Variants in LIPE observed in about 807,000 individuals in gnomAD.
The protein encoded by LIPE is lipase E, hormone sensitive type, also known as hormone-sensitive lipase.
Under a neutral mutation model 88.5 loss-of-function variants are expected in LIPE, and 66 were observed. That is an observed-to-expected ratio of 0.75 (90% CI 0.61 to 0.91). The LOEUF (loss-of-function observed/expected upper bound fraction) is 0.91, where lower values mean the gene tolerates loss of function less well. Ranked by LOEUF, LIPE falls within the 40% of genes least tolerant of loss-of-function variation. The probability of loss-of-function intolerance (pLI) is 0.00; values close to 1 mark genes in which losing one functional copy is unlikely to be tolerated. For synonymous variants in LIPE, 570 were observed against 617.5 expected (o/e 0.92, Z 1.14); for missense variants, 1,346 against 1,434.7 (o/e 0.94, Z 1.00).
Position 42,402,692 on chromosome 19 carries a change from GAGT to G in LIPE, c.2879_2881del (p.Tyr960del), listed in dbSNP as rs2040022653. On this transcript the variant is annotated inframe_deletion, in exon 9 of 10. Coordinates refer to ENST00000244289, the MANE Select transcript of LIPE (RefSeq NM_005357.4). ...GAAGGGGTTCTTGACTATGGGTGAG[GAGT>G]AGAGGGGCATCTGTGTGGCACCCTG... 1 of 1,525,908 alleles carries G rather than the reference GAGT, an allele frequency of 6.6e-7. No individual in the cohort carries two copies. Among genetic ancestry groups the G allele is most frequent in the Non-Finnish European group, 8.8e-7 (1 of 1,133,808 alleles). The allele number at this position is 1,525,908 out of a possible 1,614,324, so 94.5% of individuals were successfully genotyped here. A position where few individuals can be genotyped will look rare whatever the true frequency, so the allele number is the denominator to read the frequency against.
chr19:42,405,883 C>A, intron 7 of LIPE: 1 of 542,384 alleles, frequency 1.8e-6, no homozygotes, highest in Non-Finnish European at 3.3e-6. Context: ...TTGCTTCAGC[C>A]TGGGAGGTCA....
At position 42,406,486 on chromosome 19, in the gene LIPE, A is replaced by C; in HGVS notation, c.2138-98T>G. Reference sequence around the variant, plus strand: ...TCAAGCTGGGAGAACTGGGCTCTCCAAGGTGGGGTGTGGGGCACTCCAAGG... The same window carrying C: ...TCAAGCTGGGAGAACTGGGCTCTCCCAGGTGGGGTGTGGGGCACTCCAAGG... On this transcript the variant is annotated intron_variant, in intron 6 of 9. Coordinates refer to ENST00000244289, the MANE Select transcript of LIPE (RefSeq NM_005357.4). This position sits in a 1 kb window ranked among gnomAD's most constrained non-coding sequence, Gnocchi z 5.7. The C allele has an allele frequency of 4.8e-6, 5 of 1,040,540 alleles. No homozygotes were observed. Among genetic ancestry groups the C allele is most frequent in the Non-Finnish European group, 5.8e-6 (4 of 689,802 alleles). 64.5% of individuals were successfully genotyped at this position (1,040,540 alleles called of 1,614,324 possible). A position where few individuals can be genotyped will look rare whatever the true frequency, so the allele number is the denominator to read the frequency against.
chr19:42,422,938 C>G (rs943240307), intron 1 of LIPE: 4 of 157,226 alleles, frequency 2.5e-5, no homozygotes, highest in African/African-American at 9.7e-5. Context: ...ACTTTACTGG[C>G]CCCGCTGCAC....
chr19:42,411,443 C>A, intron 1 of LIPE: 1 of 472,656 alleles, frequency 2.1e-6, no homozygotes, highest in Non-Finnish European at 2.8e-6. Flanking sequence ...GGTCCCCCAT[C>A]CCATCTTTCC....
At position 42,424,925 on chromosome 19, in the gene LIPE, A is replaced by G. The variant is rs548459323; in HGVS notation, c.883+1342T>C. On this transcript the variant is annotated intron_variant, in intron 1 of 9. Transcript: ENST00000244289. ...GCGAGGGAGTGCCTGCGGTGAGCCCAGAGCCTTGGGCCCGTTATCCTCTGA... is the reference window on the plus strand; with the variant it reads ...GCGAGGGAGTGCCTGCGGTGAGCCCGGAGCCTTGGGCCCGTTATCCTCTGA... 9.4e-5 allele frequency: 31 copies of G among 331,246 alleles called. No homozygotes were observed. In the Admixed American group the frequency reaches 1.3e-3, roughly 14 times the overall value. 20.5% of individuals were successfully genotyped at this position (331,246 alleles called of 1,614,324 possible).
intron 8 of LIPE, 68 bp downstream of exon 8, chr19:42,405,317 C>T (rs2040134000): frequency 6.6e-7 from 1 of 1,516,250 alleles, no homozygotes; most frequent in African/African-American, 1.4e-5. Context: ...TTCCCTGGGA[C>T]TTTTGCTGTG....
chr19:42,405,423 C>T lies in LIPE; in HGVS notation c.2504G>A (p.Ser835Asn), dbSNP rs757821646. The T allele has an allele frequency of 2.5e-6, 4 of 1,613,942 alleles. No homozygotes were observed. The highest frequency in any genetic ancestry group is 8.5e-7 in the Non-Finnish European group (1 of 1,180,012). ...SSWLNSFLEL[S>N]GRKSQKMSEP... ...CGACATCTTCTGGGACTTGCGCCCA[C>T]TTAACTCCAGGAAGGAGTTGAGCCA... is the stretch of plus-strand genomic sequence containing the variant. The change falls in exon 8 of 10, where the codon AGT (serine) becomes AAT (asparagine). Residue 835 changes from serine to asparagine, a missense_variant. Transcript: ENST00000244289.
chr19:42,423,741 G>C (rs1381042163), intron 1 of LIPE: 1 of 1,126,398 alleles, frequency 8.9e-7, no homozygotes, highest in Non-Finnish European at 1.1e-6. Flanking sequence ...ATCTGGCTCC[G>C]CCCCCTACCG....
In LIPE at chr19:42,408,383, G is replaced by A. The variant is rs2147610797; in HGVS notation, c.1420-61C>T. The A allele has an allele frequency of 3.7e-6, 5 of 1,357,108 alleles. No individual in the cohort carries two copies. The South Asian group carries it at 5.8e-5, about 16-fold the overall frequency. 84.1% of individuals were successfully genotyped at this position (1,357,108 alleles called of 1,614,324 possible). A position where few individuals can be genotyped will look rare whatever the true frequency, so the allele number is the denominator to read the frequency against. The stretch of plus-strand genomic sequence containing the variant: ...AGAGAGGGATGGGGACAGGGCAGGA[G>A]CGAGGCACAGGGATGTGCGGGGAAG... On this transcript the variant is annotated intron_variant, in intron 2 of 9. Coordinates refer to ENST00000244289, the MANE Select transcript of LIPE (RefSeq NM_005357.4). The surrounding 1 kb of genome is among the most constrained non-coding windows in gnomAD (Gnocchi z 4.3).
At chr19:42,411,836 C>T (rs759669593) in intron 1 of LIPE, among the ~76,000 whole-genome samples, 5 of 152,200 alleles carry the variant, frequency 3.3e-5, no homozygotes, top group Admixed American at 1.3e-4. Flanking sequence ...GTGCAGGTCC[C>T]GTGCTGAGAG....
chr19:42,415,561 A>G (rs1381153805), intron 1 of LIPE, among the ~76,000 whole-genome samples: 1 of 152,252 alleles, frequency 6.6e-6, no homozygotes, highest in Non-Finnish European at 1.5e-5. Flanking sequence ...CTGTAATCCC[A>G]GCACTTTGGG....
rs1404321705 is a variant in LIPE, at chr19:42,426,659, C to T, written c.491G>A (p.Gly164Glu). The T allele has an allele frequency of 6.2e-7, 1 of 1,614,210 alleles. No homozygotes were observed. Among genetic ancestry groups the T allele is most frequent in the Non-Finnish European group, 8.5e-7 (1 of 1,180,040 alleles). Residue 164 changes from glycine to glutamate, a missense_variant, in exon 1 of 10, where the codon GGA becomes GAA. Coordinates refer to ENST00000244289, the MANE Select transcript of LIPE (RefSeq NM_005357.4). ...ESTPAAQAKP[G>E]AKREPSAPTE... ...CGGGGCAGATGGCTCCCTTTTGGCT[C>T]CAGGTTTAGCCTGGGCCGCAGGTGT...
chr19:42,401,924 GCGGCCTGGCGCGT>G lies in LIPE; in HGVS notation c.3106_3118del (p.Thr1036GlnfsTer29). 1 of 1,554,378 alleles carries G rather than the reference GCGGCCTGGCGCGT, an allele frequency of 6.4e-7. No individual in the cohort carries two copies. Among genetic ancestry groups the G allele is most frequent in the Non-Finnish European group, 8.7e-7 (1 of 1,154,840 alleles). On this transcript the variant is annotated frameshift_variant, in exon 10 of 10. Coordinates refer to ENST00000244289, the MANE Select transcript of LIPE (RefSeq NM_005357.4). LOFTEE classifies it low-confidence loss of function (END_TRUNC). ...GCGGATGCGCTCCACGCACAGCTCT[GCGGCCTGGCGCGT>G]CTCGCGGCACAGCGCCGCTAGGGTC...
At chr19:42,411,440 C>T (rs1448153180) in intron 1 of LIPE, 1 of 515,234 alleles carries the variant, frequency 1.9e-6, no homozygotes, top group South Asian at 8.4e-5. Flanking sequence ...CCGGGTCCCC[C>T]ATCCCATCTT....
rs2040439092 is a variant in LIPE at position 42,414,042 on chromosome 19, G to T, written c.884-3200C>A. Among the ~76,000 whole-genome samples, 1 of 152,114 alleles carries T rather than the reference G, an allele frequency of 6.6e-6. No homozygotes were observed. Among genetic ancestry groups the T allele is most frequent in the Non-Finnish European group, 1.5e-5 (1 of 68,026 alleles). On this transcript the variant is annotated intron_variant, in intron 1 of 9. Transcript: ENST00000244289. The surrounding 1 kb of genome is among the most constrained non-coding windows in gnomAD (Gnocchi z 4.6). ...GCCTATAATGCCAGCACGTTGGGAG[G>T]CCGACGTGGGTGGGCCACGAGGTCA...
At chr19:42,422,578 G>A (rs2040619803) in intron 1 of LIPE, among the ~76,000 whole-genome samples, 1 of 152,180 alleles carries the variant, frequency 6.6e-6, no homozygotes, top group South Asian at 2.1e-4. Flanking sequence ...GGGCTGAGGG[G>A]TGGTGTTAGT....
At chr19:42,423,589 CG>C (rs1300835219) in intron 1 of LIPE, 1 of 1,212,652 alleles carries the variant, frequency 8.2e-7, no homozygotes, top group East Asian at 5.8e-5. Context: ...AGGCCCTGCC[CG>C]GAGGGCCAAT....
At chr19:42,417,089 T>A (rs1477257007) in intron 1 of LIPE, among the ~76,000 whole-genome samples, 1 of 151,896 alleles carries the variant, frequency 6.6e-6, no homozygotes, top group Non-Finnish European at 1.5e-5. Context: ...CCTGGCTAAT[T>A]TTTTGTATTT....
chr19:42,410,343 A>G lies in LIPE; in HGVS notation c.1383T>C (p.His461=). 1 of 1,610,620 alleles carries G rather than the reference A, an allele frequency of 6.2e-7. No homozygotes were observed. The highest frequency in any genetic ancestry group is 8.5e-7 in the Non-Finnish European group (1 of 1,178,410). ...ADFLREYVTL[H]KGCFYGRCLG... ...GGCAGCGGCCATAGAAGCATCCCTT[A>G]TGCAGCGTGACATACTCCCGGAGGA... Residue 461 remains histidine, a synonymous_variant, in exon 2 of 10, where the codon CAT becomes CAC. Coordinates refer to ENST00000244289, the MANE Select transcript of LIPE (RefSeq NM_005357.4). This position sits in a 1 kb window ranked among gnomAD's most constrained non-coding sequence, Gnocchi z 6.1.
Sources: allele counts gnomAD v4.1 joint callset (sites outside exome capture counted in the v4.1 genomes callset), GRCh38; gene constraint gnomAD v4.1.1; non-coding constraint Gnocchi (gnomAD v3.1); transcripts MANE v1.5; gene names NCBI Gene and HGNC (gene_info 2026-07-23, HGNC 2026-07-21).